Variants in KHDRBS2 observed in about 807,000 individuals in gnomAD.
KHDRBS2 encodes the protein KH RNA binding domain containing, signal transduction associated 2.
KHDRBS2 carries 26 observed loss-of-function variants against 44.3 expected under a neutral mutation model. The ratio of observed to expected loss-of-function variants is 0.59; its 90% CI spans 0.43 to 0.81. The LOEUF (loss-of-function observed/expected upper bound fraction) is 0.81. Among genes scored for constraint, KHDRBS2 ranks in the 40% least tolerant of loss-of-function variants. The probability of loss-of-function intolerance (pLI) is 0.00; values close to 1 mark genes in which losing one functional copy is unlikely to be tolerated. For synonymous variants in KHDRBS2, 194 were observed against 151.1 expected, an observed-to-expected ratio of 1.28 and a Z score of -2.08; for missense variants, 476 against 433.1, an observed-to-expected ratio of 1.10 and a Z score of -0.88.
At chr6:61,719,032 G>A (rs1173476465) in intron 7 of KHDRBS2, among the ~76,000 whole-genome samples, 1 of 152,122 alleles carries the variant, frequency 6.6e-6, no homozygotes, top group Non-Finnish European at 1.5e-5. Context: ...ATCTACATCT[G>A]TATCTATACA....
downstream of KHDRBS2, among the ~76,000 whole-genome samples, chr6:61,679,488 C>A (rs1011124220): frequency 5.3e-5 from 8 of 151,900 alleles, no homozygotes; most frequent in African/African-American, 1.9e-4. Flanking sequence ...TACAGAGTTA[C>A]TATTAGTGTT....
chr6:61,591,196 G>T, the KHDRBS2 span, among the ~76,000 whole-genome samples: 4 of 152,086 alleles, frequency 2.6e-5, no homozygotes, highest in Non-Finnish European at 4.4e-5. Flanking sequence ...AGAGTGTCAA[G>T]TTTTCCCATA....
the KHDRBS2 span, among the ~76,000 whole-genome samples, chr6:61,573,964 G>C: frequency 6.6e-6 from 1 of 151,946 alleles, no homozygotes; most frequent in Non-Finnish European, 1.5e-5. Flanking sequence ...ACACAATAGA[G>C]AAGCCAGAAA....
chr6:62,048,673 A>G (rs543349054), intron 2 of KHDRBS2, among the ~76,000 whole-genome samples: 1 of 152,092 alleles, frequency 6.6e-6, no homozygotes, highest in South Asian at 2.1e-4. Flanking sequence ...GAAATAAAAA[A>G]TTCTGGGGTT....
At chr6:61,928,774 C>T (rs928032722) in intron 4 of KHDRBS2, among the ~76,000 whole-genome samples, 14 of 151,878 alleles carry the variant, frequency 9.2e-5, no homozygotes, top group Admixed American at 3.3e-4. Context: ...GAGTTTTCTA[C>T]CTATGTTTAA....
At chr6:61,983,631 A>T (rs1296169174) in intron 3 of KHDRBS2, among the ~76,000 whole-genome samples, 1 of 152,116 alleles carries the variant, frequency 6.6e-6, no homozygotes, top group African/African-American at 2.4e-5. Context: ...TAAAAGTCCA[A>T]TCTGAGATTC....
intron 4 of KHDRBS2, among the ~76,000 whole-genome samples, chr6:61,977,272 G>A (rs1407250388): frequency 1.3e-5 from 2 of 152,072 alleles, no homozygotes; most frequent in African/African-American, 4.8e-5. Context: ...ACTGTACTCA[G>A]CATTCTCTTC....
chr6:61,836,129 G>A (rs1183031742), intron 6 of KHDRBS2, among the ~76,000 whole-genome samples: 1 of 151,892 alleles, frequency 6.6e-6, no homozygotes, highest in Non-Finnish European at 1.5e-5. Context: ...TTTTAATCTA[G>A]TTTTATTTTC....
chr6:61,922,599 C>T (rs1475269865), intron 4 of KHDRBS2, among the ~76,000 whole-genome samples: 8 of 151,988 alleles, frequency 5.3e-5, no homozygotes, highest in Admixed American at 4.6e-4. Context: ...TCACAGGGAA[C>T]CAGGAGTGGA....
intron 1 of KHDRBS2, among the ~76,000 whole-genome samples, chr6:62,203,733 C>T (rs1370765333): frequency 1.3e-5 from 2 of 152,096 alleles, no homozygotes; most frequent in African/African-American, 4.8e-5. Context: ...AGGGAATTGG[C>T]AAGATCAGAT....
At chr6:62,261,857 T>C (rs1337151902) in intron 1 of KHDRBS2, among the ~76,000 whole-genome samples, 1 of 151,818 alleles carries the variant, frequency 6.6e-6, no homozygotes, top group African/African-American at 2.4e-5. Context: ...TGACAACACT[T>C]ATGTAACAAT....
At chr6:61,615,325 C>T in the KHDRBS2 span, among the ~76,000 whole-genome samples, 2 of 150,756 alleles carry the variant, frequency 1.3e-5, no homozygotes, top group African/African-American at 2.4e-5. Flanking sequence ...TAAAATAGTG[C>T]CTGGCTGTTT....
At chr6:62,120,955 T>G (rs578163729) in intron 2 of KHDRBS2, among the ~76,000 whole-genome samples, 4 of 152,254 alleles carry the variant, frequency 2.6e-5, no homozygotes, top group South Asian at 2.1e-4. Context: ...TCAGACTTTT[T>G]GGGGATTATT....
intron 2 of KHDRBS2, among the ~76,000 whole-genome samples, chr6:62,079,019 A>C (rs1796884567): frequency 6.6e-6 from 1 of 151,970 alleles, no homozygotes; most frequent in Non-Finnish European, 1.5e-5. Flanking sequence ...CAAAGGTATG[A>C]TAATCAAGGT....
intron 2 of KHDRBS2, among the ~76,000 whole-genome samples, chr6:62,094,118 C>A (rs1800070264): frequency 6.6e-6 from 1 of 151,838 alleles, no homozygotes; most frequent in Non-Finnish European, 1.5e-5. Context: ...TACTGTTTTC[C>A]ATTATCGCTG....
At chr6:61,618,896 C>T in the KHDRBS2 span, among the ~76,000 whole-genome samples, 6 of 152,170 alleles carry the variant, frequency 3.9e-5, no homozygotes, top group South Asian at 4.2e-4. Flanking sequence ...TTCTCAAATG[C>T]GTTATTTATT....
the KHDRBS2 span, among the ~76,000 whole-genome samples, chr6:61,649,470 G>A: frequency 4.6e-5 from 7 of 152,090 alleles, no homozygotes; most frequent in African/African-American, 9.7e-5. Context: ...GGGCCAATAC[G>A]CAGAGGCCAT....
intron 4 of KHDRBS2, among the ~76,000 whole-genome samples, chr6:61,920,575 T>C (rs2127358892): frequency 6.6e-6 from 1 of 152,108 alleles, no homozygotes; most frequent in Admixed American, 6.6e-5. Flanking sequence ...ACTTTTTAAG[T>C]TGTAGAGAAT....
chr6:62,018,303 G>A lies in KHDRBS2; in HGVS notation c.336+29575C>T, dbSNP rs1332372024. On this transcript the variant is annotated intron_variant, in intron 3 of 8. Coordinates refer to ENST00000281156, the MANE Select transcript of KHDRBS2 (RefSeq NM_152688.4). ...ATTCACACACTATATATATATATGT[G>A]TGTGTGTGTGTGTGTGTGTGTGTGT... Among the ~76,000 whole-genome samples, 16 of 1,716 alleles carry A rather than the reference G, an allele frequency of 9.3e-3. No homozygotes were observed. The Admixed American group carries it at 0.14, about 16-fold the overall frequency. The allele number at this position is 1,716 out of a possible 152,430, so 1.1% of individuals were successfully genotyped here.
Sources: allele counts gnomAD v4.1 joint callset (sites outside exome capture counted in the v4.1 genomes callset), GRCh38; gene constraint gnomAD v4.1.1; transcripts MANE v1.5; gene names NCBI Gene and HGNC (gene_info 2026-07-23, HGNC 2026-07-21).